The following LYPD5 variants were observed in gnomAD, a reference collection of about 807,000 sequenced individuals.
LYPD5 encodes the protein ly6/PLAUR domain-containing protein 5.
In LYPD5, 21 loss-of-function variants were observed where a neutral mutation model predicts 19.1. The ratio of observed to expected loss-of-function variants is 1.10; its 90% CI spans 0.78 to 1.58. The LOEUF (loss-of-function observed/expected upper bound fraction) is 1.58, where lower values mean the gene tolerates loss of function less well. LYPD5 is among the 40% of genes most tolerant of loss of function. The probability of loss-of-function intolerance (pLI) is 0.00; values close to 1 mark genes in which losing one functional copy is unlikely to be tolerated. For missense variants in LYPD5, 287 were observed against 329.8 expected (o/e 0.87, Z 1.00); for synonymous variants, 128 against 142.7 (o/e 0.90, Z 0.74).
intron 1 of LYPD5, among the ~76,000 whole-genome samples, chr19:43,814,948 C>A (rs1371254853): frequency 6.6e-6 from 1 of 152,206 alleles, no homozygotes; most frequent in Middle Eastern, 3.2e-3. Context: ...TACTCAGCAG[C>A]TGGTTTTCAA....
intron 1 of LYPD5, among the ~76,000 whole-genome samples, chr19:43,801,860 T>C (rs1159297879): frequency 6.6e-6 from 1 of 152,142 alleles, no homozygotes; most frequent in Non-Finnish European, 1.5e-5. Context: ...CATTCTGAAA[T>C]GAGTTATGTT....
intron 1 of LYPD5, among the ~76,000 whole-genome samples, chr19:43,819,283 C>CTTCTTT (rs1555729764): frequency 3.6e-5 from 4 of 110,514 alleles, no homozygotes; most frequent in Admixed American, 2.1e-4. Flanking sequence ...TCTTCTTCTT[C>CTTCTTT]TTTTTTTTTT....
At chr19:43,812,544 A>G (rs375125912) in intron 1 of LYPD5, among the ~76,000 whole-genome samples, 2 of 152,292 alleles carry the variant, frequency 1.3e-5, no homozygotes, top group African/African-American at 4.8e-5. Flanking sequence ...CTCCAATTCA[A>G]TTCTTCCCTT....
At position 43,797,546 on chromosome 19, in the gene LYPD5, G is replaced by A. The variant is rs183560189; in HGVS notation, c.*45C>T. 751 of 1,413,942 alleles carry A rather than the reference G, an allele frequency of 5.3e-4. No individual in the cohort carries two copies. In the African/African-American group the frequency reaches 9.7e-3, roughly 18 times the overall value. 87.6% of individuals were successfully genotyped at this position (1,413,942 alleles called of 1,614,324 possible). On this transcript the variant is annotated 3_prime_UTR_variant, in exon 5 of 5. Transcript: ENST00000377950. The stretch of plus-strand genomic sequence containing the variant: ...TATGTGATAGGGGCTGAAGCAGCAA[G>A]AATGAGGTGTGTGAGCCCTGTCCCC...
intron 1 of LYPD5, among the ~76,000 whole-genome samples, chr19:43,814,148 A>G (rs1970350843): frequency 6.6e-6 from 1 of 152,164 alleles, no homozygotes; most frequent in African/African-American, 2.4e-5. Context: ...GCCATGGGCC[A>G]TTTCCCAGGA....
intron 1 of LYPD5, among the ~76,000 whole-genome samples, chr19:43,816,415 T>C (rs57675158): frequency 0.012 from 1,821 of 152,316 alleles, 44 homozygotes; most frequent in African/African-American, 0.042. Flanking sequence ...TCAAGGCCTC[T>C]GTGGACTACA....
chr19:43,819,283 C>CTTTTTTTTTTTTTTTTT (rs560659624), intron 1 of LYPD5, among the ~76,000 whole-genome samples: 4 of 110,518 alleles, frequency 3.6e-5, no homozygotes, highest in East Asian at 2.6e-4. Flanking sequence ...TCTTCTTCTT[C>CTTTTTTTTTTTTTTTTT]TTTTTTTTTT....
At chr19:43,807,291 T>G (rs527476623), upstream of LYPD5, among the ~76,000 whole-genome samples, 101 of 151,668 alleles carry the variant, frequency 6.7e-4, no homozygotes, top group African/African-American at 2.3e-3. Context: ...CTTTTTCTTT[T>G]TTTTTTTTGG....
intron 1 of LYPD5, among the ~76,000 whole-genome samples, chr19:43,816,831 A>T (rs1416173944): frequency 6.6e-6 from 1 of 151,566 alleles, no homozygotes; most frequent in Non-Finnish European, 1.5e-5. Context: ...TTCTCATGAT[A>T]GTGAATAAGT....
chr19:43,802,453 C>T, upstream of LYPD5: 1 of 1,415,854 alleles, frequency 7.1e-7, no homozygotes, highest in Non-Finnish European at 9.8e-7. Context: ...TTACTGAGTC[C>T]TAAGCATCCC....
At chr19:43,798,264 T>C (rs1452042870) in intron 4 of LYPD5, among the ~76,000 whole-genome samples, 191 bp downstream of exon 4, 5 of 133,398 alleles carry the variant, frequency 3.7e-5, no homozygotes, top group African/African-American at 1.4e-4. Context: ...GGGCCAAATC[T>C]TCTCCCTCAG....
At chr19:43,799,601 C>CT in intron 2 of LYPD5, 105 bp downstream of exon 2, 1 of 1,246,794 alleles carries the variant, frequency 8.0e-7, no homozygotes, top group East Asian at 2.6e-5. Flanking sequence ...ATCTTTCTAT[C>CT]TTTATCTTTT....
At chr19:43,819,641 G>C (rs949400671) in intron 1 of LYPD5, among the ~76,000 whole-genome samples, 2 of 152,088 alleles carry the variant, frequency 1.3e-5, no homozygotes, top group Non-Finnish European at 2.9e-5. Flanking sequence ...CCTGGAGATC[G>C]ATGGGTCAGG....
chr19:43,797,841 C>T lies in LYPD5; in HGVS notation c.518-12G>A, dbSNP rs1440251345. 6.3e-7 allele frequency: 1 copy of T among 1,599,726 alleles called. No homozygotes were observed. The highest frequency in any genetic ancestry group is 1.3e-5 in the African/African-American group (1 of 74,550). ...GACTGAGAAATTGCCTGGAGGTGGGCAAAGCAGTGAGGAACGGTCAGAACT... is the reference window on the plus strand; with the variant it reads ...GACTGAGAAATTGCCTGGAGGTGGGTAAAGCAGTGAGGAACGGTCAGAACT... On this transcript the variant is annotated splice_polypyrimidine_tract_variant and intron_variant, in intron 4 of 4. Transcript: ENST00000377950.
intron 1 of LYPD5, among the ~76,000 whole-genome samples, chr19:43,815,970 G>A (rs187112894): frequency 1.3e-5 from 2 of 152,080 alleles, no homozygotes; most frequent in Non-Finnish European, 2.9e-5. Context: ...CTAACCTCAA[G>A]CGATTCACCC....
At chr19:43,798,240 C>CCTCCCTCAGACCAGGGCCAAATCTT (rs1203203549) in intron 4 of LYPD5, among the ~76,000 whole-genome samples, 1 of 142,738 alleles carries the variant, frequency 7.0e-6, no homozygotes, top group African/African-American at 2.6e-5. Flanking sequence ...GGTCATGCCT[C>CCTCCCTCAGACCAGGGCCAAATCTT]CTCCCTCAGA....
intron 1 of LYPD5, among the ~76,000 whole-genome samples, chr19:43,812,425 C>A (rs112561683): frequency 0.028 from 4,210 of 151,786 alleles, 92 homozygotes; most frequent in Non-Finnish European, 0.043. Flanking sequence ...TCATCATTAT[C>A]ATCTTTATCA....
intron 4 of LYPD5, 127 bp from the exon 5 acceptor site, chr19:43,797,956 A>G (rs1970156285): frequency 5.5e-6 from 4 of 725,926 alleles, no homozygotes; most frequent in Non-Finnish European, 9.2e-6. Context: ...TCCTAAGACC[A>G]GGGCCAGGCC....
intron 1 of LYPD5, among the ~76,000 whole-genome samples, chr19:43,819,736 G>C (rs1970403944): frequency 6.6e-6 from 1 of 152,146 alleles, no homozygotes; most frequent in South Asian, 2.1e-4. Context: ...TTTATGATGA[G>C]CCGAATCTGC....
Sources: allele counts gnomAD v4.1 joint callset (sites outside exome capture counted in the v4.1 genomes callset), GRCh38; gene constraint gnomAD v4.1.1; transcripts MANE v1.5; gene names NCBI Gene and HGNC (gene_info 2026-07-23, HGNC 2026-07-21).